GNAQ: variants seen among roughly 807,000 people sequenced by gnomAD.
GNAQ encodes G protein subunit alpha q, also known as guanine nucleotide-binding protein G(q) subunit alpha.
In GNAQ, 8 loss-of-function variants were observed where a neutral mutation model predicts 43.9. The ratio of observed to expected loss-of-function variants is 0.18; its 90% CI spans 0.11 to 0.33. The LOEUF is 0.33. Among genes scored for constraint, GNAQ ranks in the 10% least tolerant of loss-of-function variants. The pLI is 1.00. For missense variants in GNAQ, 158 were observed against 450.8 expected (o/e 0.35, Z 5.88); for synonymous variants, 155 against 170.7 (o/e 0.91, Z 0.71).
intron 2 of GNAQ, among the ~76,000 whole-genome samples, chr9:77,871,371 C>T (rs1828036246): frequency 6.6e-6 from 1 of 152,124 alleles, no homozygotes; most frequent in South Asian, 2.1e-4. Flanking sequence ...GAGTAGCCAT[C>T]CCAGGAGTCT....
In GNAQ at chr9:77,996,997, G is replaced by A. The variant is rs116864337; in HGVS notation, c.136+34103C>T. On this transcript the variant is annotated intron_variant, in intron 1 of 6. Coordinates refer to ENST00000286548, the MANE Select transcript of GNAQ (RefSeq NM_002072.5). Reference sequence around the variant, plus strand: ...AGGCCCTGTGCAAAATATTCACTACGTATTATCTCATTTATTCTTTGTAAC... The same window carrying A: ...AGGCCCTGTGCAAAATATTCACTACATATTATCTCATTTATTCTTTGTAAC... Among the ~76,000 whole-genome samples, 190 of 152,258 alleles carry A rather than the reference G, an allele frequency of 1.2e-3. 1 individual carries two copies. The East Asian group carries it at 0.024, about 20-fold the overall frequency.
chr9:77,993,101 C>A (rs1372250543), intron 1 of GNAQ, among the ~76,000 whole-genome samples: 2 of 152,136 alleles, frequency 1.3e-5, no homozygotes, highest in African/African-American at 4.8e-5. Context: ...TAAAACACAG[C>A]GCCTTTGTTT....
At chr9:77,734,165 AG>A (rs1275105281) in intron 5 of GNAQ, among the ~76,000 whole-genome samples, 2 of 152,234 alleles carry the variant, frequency 1.3e-5, no homozygotes, top group African/African-American at 4.8e-5. Context: ...CTCTGTCAAA[AG>A]TCAGCATTAA....
chr9:77,913,831 G>A (rs1828849336), intron 2 of GNAQ, among the ~76,000 whole-genome samples: 1 of 152,088 alleles, frequency 6.6e-6, no homozygotes, highest in Non-Finnish European at 1.5e-5. Context: ...AGATATACAT[G>A]TATTGACAAT....
At chr9:77,873,942 C>T (rs1268304372) in intron 2 of GNAQ, among the ~76,000 whole-genome samples, 1 of 151,836 alleles carries the variant, frequency 6.6e-6, no homozygotes, top group Non-Finnish European at 1.5e-5. Flanking sequence ...CCTGTCTCTA[C>T]TAGAAATACA....
intron 1 of GNAQ, among the ~76,000 whole-genome samples, chr9:77,943,330 A>C (rs1829340450): frequency 6.6e-6 from 1 of 152,266 alleles, no homozygotes; most frequent in Non-Finnish European, 1.5e-5. Flanking sequence ...GTATATACTG[A>C]CACATGTTCG....
intron 2 of GNAQ, among the ~76,000 whole-genome samples, chr9:77,859,576 C>T (rs1459398685): frequency 1.3e-5 from 2 of 152,138 alleles, no homozygotes; most frequent in East Asian, 3.9e-4. Flanking sequence ...CAACGGTTGC[C>T]TTTCAACTTA....
intron 2 of GNAQ, among the ~76,000 whole-genome samples, chr9:77,887,916 A>G (rs1828338222): frequency 6.6e-6 from 1 of 152,240 alleles, no homozygotes; most frequent in South Asian, 2.1e-4. Context: ...TGGCACATGA[A>G]TAATTCTTTT....
At chr9:77,857,087 G>A (rs1827767353) in intron 2 of GNAQ, among the ~76,000 whole-genome samples, 1 of 152,166 alleles carries the variant, frequency 6.6e-6, no homozygotes, top group African/African-American at 2.4e-5. Flanking sequence ...ACTACAGCAA[G>A]GCTGAGAGGT....
chr9:77,765,007 A>G (rs1426712109), intron 5 of GNAQ, among the ~76,000 whole-genome samples: 1 of 152,210 alleles, frequency 6.6e-6, no homozygotes, highest in Non-Finnish European at 1.5e-5. Context: ...TTTGTGAAGT[A>G]AAATCCTGTC....
chr9:77,772,037 C>G (rs1255084981), intron 5 of GNAQ, among the ~76,000 whole-genome samples: 3 of 152,172 alleles, frequency 2.0e-5, no homozygotes, highest in Non-Finnish European at 4.4e-5. Flanking sequence ...TAGTAGCAAG[C>G]AGATTACCTT....
intron 1 of GNAQ, among the ~76,000 whole-genome samples, chr9:78,009,375 T>C (rs1267253465): frequency 6.6e-6 from 1 of 152,144 alleles, no homozygotes; most frequent in East Asian, 1.9e-4. Context: ...CCAATCTGAT[T>C]TCCTCCTACG....
At chr9:77,908,056 T>C (rs1428086305) in intron 2 of GNAQ, among the ~76,000 whole-genome samples, 1 of 152,210 alleles carries the variant, frequency 6.6e-6, no homozygotes, top group East Asian at 1.9e-4. Flanking sequence ...ATTTTTCATC[T>C]GTAGAATTAG....
At chr9:77,944,378 A>C (rs1298221598) in intron 1 of GNAQ, among the ~76,000 whole-genome samples, 1 of 151,562 alleles carries the variant, frequency 6.6e-6, no homozygotes, top group African/African-American at 2.4e-5. Flanking sequence ...TGTATACAAG[A>C]TGCAGGTTGT....
intron 2 of GNAQ, among the ~76,000 whole-genome samples, chr9:77,866,297 G>C (rs1173775240): frequency 6.6e-6 from 1 of 152,178 alleles, no homozygotes; most frequent in African/African-American, 2.4e-5. Flanking sequence ...GGCCAACATG[G>C]TGAAGCCCCA....
intron 1 of GNAQ, among the ~76,000 whole-genome samples, chr9:78,018,963 C>G (rs1823871853): frequency 6.6e-6 from 1 of 152,160 alleles, no homozygotes; most frequent in Non-Finnish European, 1.5e-5. Context: ...CATCCTCCCA[C>G]CCGCTGCAGA....
At chr9:77,918,488 C>G (rs879414698) in intron 2 of GNAQ, among the ~76,000 whole-genome samples, 1 of 151,916 alleles carries the variant, frequency 6.6e-6, no homozygotes, top group Non-Finnish European at 1.5e-5. Flanking sequence ...AAAGTATATA[C>G]CTTTGTAACC....
chr9:77,768,041 T>C (rs997921677), intron 5 of GNAQ, among the ~76,000 whole-genome samples: 2 of 152,258 alleles, frequency 1.3e-5, no homozygotes, highest in Non-Finnish European at 2.9e-5. Flanking sequence ...TGTCAGGGAC[T>C]GTGCTAAATA....
At position 77,773,179 on chromosome 9, in the gene GNAQ, AAAT is replaced by A. The variant is rs1023115399; in HGVS notation, c.735+21281_735+21283del. On this transcript the variant is annotated intron_variant, in intron 5 of 6. Transcript: ENST00000286548. ...CTTCTTTATTTTTCAGCACTTACACAAATAATACTTTTCCCCATATTTTAATCT... is the reference window on the plus strand; with the variant it reads ...CTTCTTTATTTTTCAGCACTTACACAAATACTTTTCCCCATATTTTAATCT... 3.7e-4 allele frequency among the ~76,000 whole-genome samples: 56 copies of A among 152,256 alleles called. 1 individual carries two copies. Among genetic ancestry groups the A allele is most frequent in the African/African-American group, 1.3e-3 (53 of 41,486 alleles).
Sources: gnomAD v4.1 joint callset for allele counts (sites outside exome capture counted in the v4.1 genomes callset) on GRCh38, gnomAD v4.1.1 for gene constraint, MANE v1.5 for transcripts, NCBI Gene and HGNC (gene_info 2026-07-23, HGNC 2026-07-21) for gene names.